Variants in CREB5 observed in about 807,000 individuals in gnomAD.
CREB5 encodes cAMP responsive element binding protein 5, also known as cyclic AMP-responsive element-binding protein 5.
CREB5 carries 19 observed loss-of-function variants against 57.1 expected under a neutral mutation model. That is an observed-to-expected ratio of 0.33 (90% confidence interval 0.23 to 0.49). The LOEUF is 0.49. CREB5 is among the 20% of genes least tolerant of loss of function. The probability of loss-of-function intolerance (pLI) is 0.99; values close to 1 mark genes in which losing one functional copy is unlikely to be tolerated. For synonymous variants in CREB5, 238 were observed against 238.3 expected, an observed-to-expected ratio of 1.00 and a Z score of 0.01; for missense variants, 579 against 671.6, an observed-to-expected ratio of 0.86 and a Z score of 1.52.
intron 5 of CREB5, among the ~76,000 whole-genome samples, chr7:28,626,170 A>G (rs1797991404): frequency 6.6e-6 from 1 of 152,348 alleles, no homozygotes; most frequent in East Asian, 1.9e-4. Context: ...AGATCACTAC[A>G]TAAGTCATTT....
intron 9 of CREB5, among the ~76,000 whole-genome samples, chr7:28,816,019 A>C (rs959200473): frequency 6.6e-6 from 1 of 151,920 alleles, no homozygotes; most frequent in African/African-American, 2.4e-5. Flanking sequence ...TCTAAATGCA[A>C]ATAATATGAC....
chr7:28,410,080 G>T (rs1000351721), upstream of CREB5: 1 of 398,206 alleles, frequency 2.5e-6, no homozygotes, highest in South Asian at 1.9e-5. Context: ...GGGCGCGCGC[G>T]CAGGGGGCTC....
At chr7:28,449,076 TTTC>T (rs146137984) in intron 1 of CREB5, among the ~76,000 whole-genome samples, 11,136 of 152,230 alleles carry the variant, frequency 0.073, 593 homozygotes, top group Non-Finnish European at 0.099. Flanking sequence ...TTTGTTCAAG[TTTC>T]TTCTTCTTCT....
intron 3 of CREB5, among the ~76,000 whole-genome samples, chr7:28,500,245 G>C (rs989937482): frequency 1.3e-5 from 2 of 152,194 alleles, no homozygotes; most frequent in African/African-American, 4.8e-5. Context: ...AAACATGACT[G>C]TGATGGCAAG....
chr7:28,687,953 C>A (rs1275147806), intron 5 of CREB5, among the ~76,000 whole-genome samples: 1 of 152,132 alleles, frequency 6.6e-6, no homozygotes, highest in African/African-American at 2.4e-5. Context: ...CATGGGGAAC[C>A]AATCTTAGAT....
intron 1 of CREB5, among the ~76,000 whole-genome samples, chr7:28,341,609 A>C (rs1785938716): frequency 6.6e-6 from 1 of 152,164 alleles, no homozygotes; most frequent in Admixed American, 6.5e-5. Flanking sequence ...AGGGGTTTGC[A>C]CTTTATTTTG....
At chr7:28,311,365 T>G (rs35068182) in intron 1 of CREB5, among the ~76,000 whole-genome samples, 20,629 of 151,996 alleles carry the variant, frequency 0.14, 2,162 homozygotes, top group African/African-American at 0.29. Flanking sequence ...GTGCTGAACT[T>G]TAGCTGTTTC....
chr7:28,724,154 G>A (rs1228412632), intron 6 of CREB5, 68 bp from the exon 7 acceptor site: 4 of 1,342,790 alleles, frequency 3.0e-6, no homozygotes, highest in Non-Finnish European at 4.1e-6. Flanking sequence ...GGACAGAAAA[G>A]TGCAGCTTTG....
At chr7:28,425,215 G>A (rs1175075225) in intron 1 of CREB5, among the ~76,000 whole-genome samples, 2 of 151,966 alleles carry the variant, frequency 1.3e-5, no homozygotes, top group Non-Finnish European at 2.9e-5. Context: ...CAACTGTTGA[G>A]TAGATAAGCA....
chr7:28,421,888 A>T (rs918336844), intron 1 of CREB5, among the ~76,000 whole-genome samples: 61 of 143,286 alleles, frequency 4.3e-4, no homozygotes, highest in Non-Finnish European at 4.6e-4. Context: ...TATATATATA[A>T]AATACCATAT....
chr7:28,731,062 G>A (rs1803597327), intron 7 of CREB5, among the ~76,000 whole-genome samples: 2 of 152,256 alleles, frequency 1.3e-5, no homozygotes, highest in South Asian at 4.1e-4. Context: ...CTAAATCTCT[G>A]TCTGGCTGAG....
chr7:28,503,882 C>T (rs984580769), intron 3 of CREB5, among the ~76,000 whole-genome samples: 1 of 152,100 alleles, frequency 6.6e-6, no homozygotes, highest in African/African-American at 2.4e-5. Flanking sequence ...AACTGCTTCC[C>T]TCCCACCCCC....
At chr7:28,611,422 C>A (rs1797378821) in intron 5 of CREB5, among the ~76,000 whole-genome samples, 1 of 140,140 alleles carries the variant, frequency 7.1e-6, no homozygotes, top group African/African-American at 2.7e-5. Flanking sequence ...GAGGCCAAGG[C>A]AGGAGGATCA....
At chr7:28,311,095 C>T (rs1380920547) in intron 1 of CREB5, among the ~76,000 whole-genome samples, 1 of 142,742 alleles carries the variant, frequency 7.0e-6, no homozygotes, top group African/African-American at 2.6e-5. Flanking sequence ...GAGATCAAGA[C>T]TATCCTGGCT....
intron 7 of CREB5, among the ~76,000 whole-genome samples, chr7:28,796,047 T>C (rs1324746639): frequency 1.3e-5 from 2 of 152,064 alleles, no homozygotes; most frequent in African/African-American, 4.8e-5. Context: ...GGCACTGCAC[T>C]CAGCCCAAAT....
chr7:28,818,654 GTT>G, intron 10 of CREB5: 1 of 434,994 alleles, frequency 2.3e-6, no homozygotes, highest in Admixed American at 2.6e-5. Context: ...TCAGACCCCA[GTT>G]TCTGCATCTG....
chr7:28,321,353 C>T (rs1166103967), intron 1 of CREB5, among the ~76,000 whole-genome samples: 1 of 152,064 alleles, frequency 6.6e-6, no homozygotes, highest in Middle Eastern at 3.4e-3. Context: ...TATAATTTGT[C>T]GAGCACAGGA....
intron 7 of CREB5, among the ~76,000 whole-genome samples, chr7:28,769,975 A>G (rs111252959): frequency 0.011 from 1,647 of 152,332 alleles, 25 homozygotes; most frequent in South Asian, 0.059. Context: ...GTTCTTGGCA[A>G]TAGGCTCCAT....
intron 5 of CREB5, among the ~76,000 whole-genome samples, chr7:28,684,920 G>A (rs568828122): frequency 3.9e-5 from 6 of 152,226 alleles, no homozygotes; most frequent in Admixed American, 2.6e-4. Flanking sequence ...AGTAGTGTCT[G>A]GACTGTTGTC....
Sources: gnomAD v4.1 joint callset for allele counts (sites outside exome capture counted in the v4.1 genomes callset) on GRCh38, gnomAD v4.1.1 for gene constraint, MANE v1.5 for transcripts, NCBI Gene and HGNC (gene_info 2026-07-23, HGNC 2026-07-21) for gene names.